PBX3: variants seen among roughly 807,000 people sequenced by gnomAD.
PBX3 encodes PBX homeobox 3.
A neutral mutation model predicts 48.5 loss-of-function variants in PBX3; 14 were observed. That is an observed-to-expected ratio of 0.29 (90% CI 0.19 to 0.45). PBX3 has a LOEUF of 0.45. Ranked by LOEUF, PBX3 falls within the 20% of genes least tolerant of loss-of-function variation. The pLI is 1.00. For synonymous variants in PBX3, 210 were observed against 200.3 expected (o/e 1.05, Z -0.41); for missense variants, 386 against 546.7 (o/e 0.71, Z 2.93).
Position 125,747,551 on chromosome 9 carries a change from G to T in PBX3, c.98G>T (p.Gly33Val), listed in dbSNP as rs747340090. ...ATGGCCCTGCCGCCTCCCCCGCACG[G>T]CCACGAAGGGGCGGACGGCGACGGC... is the stretch of plus-strand genomic sequence containing the variant. Reference protein sequence around the residue: ...GGMALPPPPHGHEGADGDGRK... With the variant: ...GGMALPPPPHVHEGADGDGRK... The change falls in exon 1 of 9, where the codon GGC becomes GTC. Residue 33 changes from glycine to valine, a missense_variant. By Grantham distance (109) the Gly-to-Val change is moderately radical (BLOSUM62 -3). Coordinates refer to ENST00000373489, the MANE Select transcript of PBX3 (RefSeq NM_006195.6). The T allele has an allele frequency of 2.6e-5, 41 of 1,606,512 alleles. No homozygotes were observed. The Middle Eastern group carries it at 2.5e-3, about 97-fold the overall frequency.
chr9:125,858,653 T>C (rs1839786252), intron 2 of PBX3, among the ~76,000 whole-genome samples: 1 of 142,692 alleles, frequency 7.0e-6, no homozygotes, highest in Non-Finnish European at 1.5e-5. Context: ...AAGATGAAGT[T>C]TCACTCTTGT....
chr9:125,804,592 A>G (rs1209991663), intron 2 of PBX3, among the ~76,000 whole-genome samples: 1 of 152,206 alleles, frequency 6.6e-6, no homozygotes, highest in African/African-American at 2.4e-5. Flanking sequence ...TATTCAACAA[A>G]TATTTGATAC....
At chr9:125,924,715 A>T (rs1295729120) in intron 3 of PBX3, among the ~76,000 whole-genome samples, 2 of 152,200 alleles carry the variant, frequency 1.3e-5, no homozygotes, top group Non-Finnish European at 2.9e-5. Flanking sequence ...GTATTTATGG[A>T]TATCAACTCT....
intron 2 of PBX3, among the ~76,000 whole-genome samples, chr9:125,891,426 G>C (rs1185233398): frequency 6.6e-6 from 1 of 152,160 alleles, no homozygotes; most frequent in African/African-American, 2.4e-5. Context: ...TCAGTCAAAT[G>C]GACAGTATTG....
chr9:125,825,621 G>C (rs746031730), intron 2 of PBX3, among the ~76,000 whole-genome samples: 14 of 151,758 alleles, frequency 9.2e-5, no homozygotes, highest in Non-Finnish European at 1.9e-4. Context: ...GAACAAATTA[G>C]AGTTAAAACA....
chr9:125,770,045 G>C (rs1338181094), intron 2 of PBX3, among the ~76,000 whole-genome samples: 3 of 152,164 alleles, frequency 2.0e-5, no homozygotes, highest in Admixed American at 2.0e-4. Flanking sequence ...AAATGGAAGG[G>C]AATTGTAAAT....
intron 3 of PBX3, among the ~76,000 whole-genome samples, chr9:125,925,354 T>G (rs1195125727): frequency 2.6e-5 from 4 of 152,218 alleles, no homozygotes; most frequent in Non-Finnish European, 4.4e-5. Context: ...TAGTCTGAAC[T>G]GAGATGTGCT....
At chr9:125,845,001 T>G (rs1839391079) in intron 2 of PBX3, 1 of 152,070 alleles carries the variant, frequency 6.6e-6, no homozygotes, top group African/African-American at 2.4e-5. Flanking sequence ...TAAACATAAT[T>G]ATGGTTAGTA....
At chr9:125,808,130 CT>C (rs1211052994) in intron 2 of PBX3, among the ~76,000 whole-genome samples, 11 of 152,158 alleles carry the variant, frequency 7.2e-5, no homozygotes. Flanking sequence ...GTAAAAATCA[CT>C]ACATACATAC....
chr9:125,753,933 G>A (rs552049053), intron 2 of PBX3, among the ~76,000 whole-genome samples: 1 of 152,114 alleles, frequency 6.6e-6, no homozygotes, highest in South Asian at 2.1e-4. Context: ...GTATTAGTTG[G>A]ATTATTTATA....
At chr9:125,780,175 C>G (rs1400161616) in intron 2 of PBX3, among the ~76,000 whole-genome samples, 1 of 138,924 alleles carries the variant, frequency 7.2e-6, no homozygotes, top group African/African-American at 2.7e-5. Flanking sequence ...GACGGGGCGG[C>G]TGGCCGGGCG....
At chr9:125,941,259 A>G (rs1382217088) in intron 5 of PBX3, among the ~76,000 whole-genome samples, 2 of 152,196 alleles carry the variant, frequency 1.3e-5, no homozygotes, top group Non-Finnish European at 2.9e-5. Flanking sequence ...CCTGAGGTAG[A>G]AGTGCCCTGA....
At chr9:125,899,441 G>GTATATATA (rs369506959) in intron 2 of PBX3, among the ~76,000 whole-genome samples, 17 of 76,506 alleles carry the variant, frequency 2.2e-4, no homozygotes, top group African/African-American at 9.5e-4. Flanking sequence ...ATATATGTGT[G>GTATATATA]TATATATATA....
chr9:125,793,848 A>G (rs1837695251), intron 2 of PBX3, among the ~76,000 whole-genome samples: 1 of 152,152 alleles, frequency 6.6e-6, no homozygotes. Context: ...GTAATACGTT[A>G]TATTAAATAT....
chr9:125,922,685 C>T (rs1177812543), intron 3 of PBX3, among the ~76,000 whole-genome samples: 2 of 151,922 alleles, frequency 1.3e-5, no homozygotes, highest in East Asian at 3.9e-4. Context: ...GTTGGGTGGC[C>T]CTTCCAAACA....
At chr9:125,813,633 T>C (rs1190934315) in intron 2 of PBX3, among the ~76,000 whole-genome samples, 2 of 152,224 alleles carry the variant, frequency 1.3e-5, no homozygotes, top group Non-Finnish European at 2.9e-5. Flanking sequence ...CTTTTTGACA[T>C]GTCACCATTA....
chr9:125,784,039 C>T (rs1254064223), intron 2 of PBX3, among the ~76,000 whole-genome samples: 2 of 152,172 alleles, frequency 1.3e-5, no homozygotes, highest in African/African-American at 4.8e-5. Flanking sequence ...CTTTGTCTAG[C>T]AAGTCCAATA....
chr9:125,826,454 A>G (rs1027434056), intron 2 of PBX3, among the ~76,000 whole-genome samples: 1 of 152,152 alleles, frequency 6.6e-6, no homozygotes, highest in Non-Finnish European at 1.5e-5. Context: ...ATGAAGGGTC[A>G]TTGGTGATTA....
chr9:125,925,447 G>C (rs1055080377), intron 3 of PBX3, among the ~76,000 whole-genome samples: 1 of 151,756 alleles, frequency 6.6e-6, no homozygotes, highest in Admixed American at 6.6e-5. Context: ...GTCTTTCTTT[G>C]TTTCTTTCTT....
Sources: allele counts gnomAD v4.1 joint callset (sites outside exome capture counted in the v4.1 genomes callset), GRCh38; gene constraint gnomAD v4.1.1; transcripts MANE v1.5; gene names NCBI Gene and HGNC (gene_info 2026-07-23, HGNC 2026-07-21).